OPCML: variants seen among roughly 807,000 people sequenced by gnomAD.
OPCML encodes opioid-binding protein/cell adhesion molecule.
A neutral mutation model predicts 37.8 loss-of-function variants in OPCML; 13 were observed. The observed-to-expected ratio is 0.34, with a 90% confidence interval of 0.22 to 0.55. The LOEUF (loss-of-function observed/expected upper bound fraction) is 0.55. Among genes scored for constraint, OPCML ranks in the 20% least tolerant of loss-of-function variants. The pLI is 0.91. For synonymous variants in OPCML, 176 were observed against 168.8 expected (o/e 1.04, Z -0.33); for missense variants, 341 against 435.6 (o/e 0.78, Z 1.93).
At chr11:132,648,955 C>T (rs577069500) in intron 3 of OPCML, among the ~76,000 whole-genome samples, 3 of 152,288 alleles carry the variant, frequency 2.0e-5, no homozygotes, top group South Asian at 2.1e-4. Flanking sequence ...TTCCCCCTCT[C>T]GTCTCCTAGA....
chr11:133,051,058 TACACAC>T (rs113538759), intron 1 of OPCML, among the ~76,000 whole-genome samples: 133 of 148,098 alleles, frequency 9.0e-4, no homozygotes, highest in Non-Finnish European at 1.5e-3. Context: ...TGTGTGTACA[TACACAC>T]ACACACACAC....
At chr11:132,976,811 G>A (rs1344988037) in intron 1 of OPCML, among the ~76,000 whole-genome samples, 1 of 152,134 alleles carries the variant, frequency 6.6e-6, no homozygotes, top group African/African-American at 2.4e-5. Context: ...CAAGGAAAAA[G>A]AAAACAGTGT....
chr11:132,653,733 C>T (rs920693086), intron 3 of OPCML, among the ~76,000 whole-genome samples: 1 of 152,156 alleles, frequency 6.6e-6, no homozygotes, highest in African/African-American at 2.4e-5. Context: ...CTCAGGCGCT[C>T]CCATGGCAGG....
At chr11:132,893,564 G>A (rs990132144) in intron 2 of OPCML, among the ~76,000 whole-genome samples, 7 of 152,200 alleles carry the variant, frequency 4.6e-5, no homozygotes, top group African/African-American at 1.2e-4. Context: ...GGTGCAATTC[G>A]GAGACCATCA....
intron 2 of OPCML, among the ~76,000 whole-genome samples, chr11:132,805,745 A>G (rs1938965330): frequency 1.3e-5 from 2 of 152,172 alleles, no homozygotes; most frequent in East Asian, 3.8e-4. Context: ...TGTTGACAGC[A>G]GATTTTCACT....
chr11:133,437,103 T>C (rs1471804488), intron 1 of OPCML, among the ~76,000 whole-genome samples: 1 of 152,240 alleles, frequency 6.6e-6, no homozygotes, highest in Non-Finnish European at 1.5e-5. Context: ...CTATCTAATT[T>C]ATACGACATC....
At chr11:133,221,202 C>A (rs534715890) in intron 1 of OPCML, among the ~76,000 whole-genome samples, 1 of 152,166 alleles carries the variant, frequency 6.6e-6, no homozygotes. Flanking sequence ...AGCCGGCCAC[C>A]GTGTGTGATG....
intron 2 of OPCML, among the ~76,000 whole-genome samples, chr11:132,869,295 C>T (rs1388307183): frequency 2.0e-5 from 3 of 152,164 alleles, no homozygotes; most frequent in African/African-American, 7.2e-5. Flanking sequence ...GAATGCCCAT[C>T]CAGGTGACAG....
intron 3 of OPCML, among the ~76,000 whole-genome samples, chr11:132,612,183 C>T (rs930858719): frequency 1.3e-5 from 2 of 152,148 alleles, no homozygotes; most frequent in Admixed American, 1.3e-4. Context: ...GAAGAGTTTT[C>T]TCACACTAAG....
chr11:132,546,005 T>C lies in OPCML; in HGVS notation c.380-16819A>G, dbSNP rs150170390. On this transcript the variant is annotated intron_variant, in intron 3 of 7. Coordinates refer to ENST00000524381, the MANE Select transcript of OPCML (RefSeq NM_001012393.5). ...TTTCCTTTCATGAGGGTCTTACCAT[T>C]GTTCCAATCCACTAAAAACCTGTGA... 3.9e-4 allele frequency among the ~76,000 whole-genome samples: 60 copies of C among 152,356 alleles called. 1 individual carries two copies. Among genetic ancestry groups the C allele is most frequent in the African/African-American group, 1.3e-3 (54 of 41,580 alleles).
intron 1 of OPCML, among the ~76,000 whole-genome samples, chr11:133,000,306 T>C (rs1946974966): frequency 6.6e-6 from 1 of 151,652 alleles, no homozygotes; most frequent in South Asian, 2.1e-4. Flanking sequence ...AGAGACGGGG[T>C]TTTTCCATGT....
At chr11:133,005,361 A>G (rs181779801) in intron 1 of OPCML, 4 of 985,438 alleles carry the variant, frequency 4.1e-6, no homozygotes, top group Non-Finnish European at 1.2e-6. Flanking sequence ...GTAGACACAT[A>G]CAGCAAATGC....
At chr11:133,115,602 TC>T in intron 1 of OPCML, among the ~76,000 whole-genome samples, 1 of 152,264 alleles carries the variant, frequency 6.6e-6, no homozygotes, top group South Asian at 2.1e-4. Context: ...TGGGAAATAC[TC>T]CATTTCCCAC....
chr11:133,480,001 C>T (rs1947338965), intron 1 of OPCML, among the ~76,000 whole-genome samples: 2 of 152,282 alleles, frequency 1.3e-5, no homozygotes, highest in South Asian at 2.1e-4. Context: ...AAAAGGGGAA[C>T]GTTTCTAAAA....
chr11:132,950,067 A>G (rs1945825890), intron 1 of OPCML, among the ~76,000 whole-genome samples: 1 of 152,256 alleles, frequency 6.6e-6, no homozygotes, highest in South Asian at 2.1e-4. Context: ...CCCCAGCAGC[A>G]GATGAAGGTG....
chr11:132,535,344 T>C (rs2096337738), intron 3 of OPCML, among the ~76,000 whole-genome samples: 1 of 151,996 alleles, frequency 6.6e-6, no homozygotes, highest in South Asian at 2.1e-4. Flanking sequence ...TTTTAGGGGG[T>C]GTCTGTTTCT....
rs1228323324 is a variant in OPCML at position 132,420,212 on chromosome 11, T to G, written c.998A>C (p.His333Pro). 1 of 1,613,656 alleles carries G rather than the reference T, an allele frequency of 6.2e-7. No homozygotes were observed. The highest frequency in any genetic ancestry group is 1.3e-5 in the African/African-American group (1 of 74,892). ...CLWLSGTLLA[H>P]FFIKF ...TTCTTATCAAAACTTGATGAAGAAG[T>G]GGGCTAAGAGGGTCCCTGATAGCCA... The change falls in exon 8 of 8, where the codon CAC becomes CCC. Residue 333 changes from histidine to proline, a missense_variant. Transcript: ENST00000524381.
At chr11:133,197,604 C>G (rs1938586013) in intron 1 of OPCML, among the ~76,000 whole-genome samples, 1 of 152,140 alleles carries the variant, frequency 6.6e-6, no homozygotes, top group Admixed American at 6.5e-5. Context: ...AGGAGTGAGC[C>G]AGTCTTTAGG....
intron 3 of OPCML, among the ~76,000 whole-genome samples, chr11:132,541,917 G>A (rs901489586): frequency 6.6e-5 from 10 of 152,172 alleles, no homozygotes; most frequent in African/African-American, 2.2e-4. Flanking sequence ...GAACAGAAGT[G>A]GCCCTCACTT....
Sources: allele counts gnomAD v4.1 joint callset (sites outside exome capture counted in the v4.1 genomes callset), GRCh38; gene constraint gnomAD v4.1.1; transcripts MANE v1.5; gene names NCBI Gene and HGNC (gene_info 2026-07-23, HGNC 2026-07-21).